AGBL1: variants seen among roughly 807,000 people sequenced by gnomAD.
The protein encoded by AGBL1 is cytosolic carboxypeptidase 4.
A neutral mutation model predicts 118.9 loss-of-function variants in AGBL1; 130 were observed. That is an observed-to-expected ratio of 1.09 (90% CI 0.95 to 1.26). AGBL1 has a LOEUF of 1.26. AGBL1 is among the 50% of genes most tolerant of loss of function. AGBL1 has a pLI of 0.00. For synonymous variants in AGBL1, 555 were observed against 478.9 expected, an observed-to-expected ratio of 1.16 and a Z score of -2.08; for missense variants, 1,584 against 1,298.1, an observed-to-expected ratio of 1.22 and a Z score of -3.38.
intron 6 of AGBL1, among the ~76,000 whole-genome samples, chr15:86,226,144 G>T (rs1302789545): frequency 6.6e-6 from 1 of 152,274 alleles, no homozygotes; most frequent in South Asian, 2.1e-4. Flanking sequence ...TGAAGCCCTG[G>T]AGATAGGAAG....
At chr15:86,157,087 G>A (rs748486999) in intron 4 of AGBL1, among the ~76,000 whole-genome samples, 2 of 152,076 alleles carry the variant, frequency 1.3e-5, no homozygotes, top group Non-Finnish European at 2.9e-5. Context: ...ACTGTGCCTG[G>A]CCACAATAAC....
intron 22 of AGBL1, among the ~76,000 whole-genome samples, chr15:86,675,686 C>T (rs186683821): frequency 1.3e-3 from 199 of 152,258 alleles, no homozygotes; most frequent in African/African-American, 4.5e-3. Context: ...GCGCTTCCAC[C>T]TGCCAGCATA....
chr15:86,967,700 C>G (rs567507745), intron 23 of AGBL1, among the ~76,000 whole-genome samples: 1 of 152,170 alleles, frequency 6.6e-6, no homozygotes, highest in East Asian at 1.9e-4. Flanking sequence ...TGTTTTGGTA[C>G]CAGGACCATG....
At chr15:86,816,177 C>A (rs1433313466) in intron 22 of AGBL1, among the ~76,000 whole-genome samples, 1 of 152,142 alleles carries the variant, frequency 6.6e-6, no homozygotes, top group Non-Finnish European at 1.5e-5. Flanking sequence ...TGGGAACACC[C>A]ACCTTTAGGA....
intron 22 of AGBL1, among the ~76,000 whole-genome samples, chr15:86,750,618 A>G (rs1044625707): frequency 6.6e-6 from 1 of 152,058 alleles, no homozygotes; most frequent in Non-Finnish European, 1.5e-5. Flanking sequence ...TATAAGAATG[A>G]TATGTGATCA....
At chr15:86,816,972 T>G (rs1228336809) in intron 22 of AGBL1, among the ~76,000 whole-genome samples, 1 of 152,052 alleles carries the variant, frequency 6.6e-6, no homozygotes. Context: ...AATTCAAGAT[T>G]CCATAAACAG....
intron 18 of AGBL1, among the ~76,000 whole-genome samples, chr15:86,420,727 G>C (rs953633276): frequency 1.2e-4 from 19 of 152,110 alleles, no homozygotes; most frequent in African/African-American, 4.6e-4. Flanking sequence ...AAAAGTTAGA[G>C]GAATTGCTAA....
intron 21 of AGBL1, among the ~76,000 whole-genome samples, chr15:86,560,767 C>G (rs887675053): frequency 5.9e-5 from 9 of 152,214 alleles, no homozygotes; most frequent in South Asian, 2.1e-4. Context: ...CAGTGTAAAA[C>G]AGTTCCTATT....
intron 23 of AGBL1, chr15:86,939,614 G>C (rs2080721893): frequency 6.6e-6 from 1 of 152,090 alleles, no homozygotes; most frequent in South Asian, 2.1e-4. Flanking sequence ...TGTTAGTCCT[G>C]TCCCTCTAAA....
intron 6 of AGBL1, among the ~76,000 whole-genome samples, chr15:86,237,219 T>G (rs1020192576): frequency 6.6e-6 from 1 of 152,164 alleles, no homozygotes; most frequent in African/African-American, 2.4e-5. Context: ...AGTGACACAC[T>G]ATTGGCTGAC....
In AGBL1 at chr15:86,236,932, C is replaced by CGGGGGGG. The variant is rs1261815080; in HGVS notation, c.527-10736_527-10730dup. 6.4e-4 allele frequency among the ~76,000 whole-genome samples: 6 copies of CGGGGGGG among 9,370 alleles called. 1 individual carries two copies. Among genetic ancestry groups the CGGGGGGG allele is most frequent in the Admixed American group, 2.2e-3 (2 of 900 alleles). The allele number at this position is 9,370 out of a possible 152,430, so 6.1% of individuals were successfully genotyped here. On this transcript the variant is annotated intron_variant, in intron 6 of 22. Transcript: ENST00000614907. ...TTCCACACACACGGGGATATGTGGG[C>CGGGGGGG]GGGGGGGGGCGGGGGGGGGCGGGGG...
chr15:86,336,723 G>A (rs71399823), intron 17 of AGBL1, among the ~76,000 whole-genome samples: 7,186 of 152,262 alleles, frequency 0.047, 196 homozygotes, highest in South Asian at 0.081. Flanking sequence ...TTTGCTTATG[G>A]ACACAAACCT....
At chr15:86,127,101 C>G (rs1011829566) in intron 1 of AGBL1, among the ~76,000 whole-genome samples, 2 of 152,152 alleles carry the variant, frequency 1.3e-5, no homozygotes, top group African/African-American at 4.8e-5. Flanking sequence ...GTAATCTGGC[C>G]TTCAAACAAG....
chr15:86,290,475 C>T (rs2079527046), intron 16 of AGBL1, among the ~76,000 whole-genome samples: 1 of 151,216 alleles, frequency 6.6e-6, no homozygotes, highest in Admixed American at 6.6e-5. Context: ...CTCAGCCTCC[C>T]ACGTAGCTGG....
rs1482110285 is a variant in AGBL1, at chr15:86,474,370, C to T, written c.2556-48440C>T. On this transcript the variant is annotated intron_variant, in intron 18 of 22. Transcript: ENST00000614907. ...ATGGCACCTGGAAAATCAGGTCACT[C>T]CCACACTAATACTGCGCTTTTCCAA... 3.1e-4 allele frequency among the ~76,000 whole-genome samples: 47 copies of T among 152,166 alleles called. 1 individual carries two copies. The highest frequency in any genetic ancestry group is 3.0e-3 in the Admixed American group (46 of 15,276).
rs1034183048 is a variant in AGBL1, at chr15:86,916,114, G to A, written c.*8820G>A. On this transcript the variant is annotated 3_prime_UTR_variant, in exon 23 of 23. Transcript: ENST00000614907. Reference sequence around the variant, plus strand: ...AGCCTAAGCTGGGCACATAGGAACGGAAATGCATTGACTTTAATAAAACAG... The same window carrying A: ...AGCCTAAGCTGGGCACATAGGAACGAAAATGCATTGACTTTAATAAAACAG... 1 of 152,214 alleles carries A rather than the reference G, an allele frequency of 6.6e-6. No homozygotes were observed. Among genetic ancestry groups the A allele is most frequent in the Admixed American group, 6.5e-5 (1 of 15,286 alleles). 9.4% of individuals were successfully genotyped at this position (152,214 alleles called of 1,614,324 possible).
intron 7 of AGBL1, among the ~76,000 whole-genome samples, chr15:86,256,229 C>G (rs1172729925): frequency 6.6e-6 from 1 of 152,160 alleles, no homozygotes; most frequent in Non-Finnish European, 1.5e-5. Context: ...CCATCAGTAT[C>G]AAAATGTTAC....
chr15:86,561,905 T>C (rs2083827654), intron 21 of AGBL1, among the ~76,000 whole-genome samples: 1 of 152,162 alleles, frequency 6.6e-6, no homozygotes, highest in South Asian at 2.1e-4. Context: ...TATTTTATTC[T>C]CTTTGAAGCA....
intron 22 of AGBL1, among the ~76,000 whole-genome samples, chr15:86,693,518 A>G (rs2086207926): frequency 6.6e-6 from 1 of 152,076 alleles, no homozygotes; most frequent in Non-Finnish European, 1.5e-5. Flanking sequence ...TGTTGGATGT[A>G]TAGATTGTGA....
Sources: allele counts gnomAD v4.1 joint callset (sites outside exome capture counted in the v4.1 genomes callset), GRCh38; gene constraint gnomAD v4.1.1; transcripts MANE v1.5; gene names NCBI Gene and HGNC (gene_info 2026-07-23, HGNC 2026-07-21).